TRIM71: variants seen among roughly 807,000 people sequenced by gnomAD.
The protein encoded by TRIM71 is E3 ubiquitin-protein ligase TRIM71.
Under a neutral mutation model 61.2 loss-of-function variants are expected in TRIM71, and 9 were observed. The observed-to-expected ratio is 0.15, with a 90% confidence interval of 0.09 to 0.26. The LOEUF (loss-of-function observed/expected upper bound fraction) is 0.26, where lower values mean the gene tolerates loss of function less well. Among genes scored for constraint, TRIM71 ranks in the 10% least tolerant of loss-of-function variants. TRIM71 has a pLI of 1.00. For synonymous variants in TRIM71, 645 were observed against 553.2 expected (o/e 1.17, Z -2.33); for missense variants, 998 against 1,238.7 (o/e 0.81, Z 2.92).
intron 1 of TRIM71, among the ~76,000 whole-genome samples, chr3:32,823,695 G>T (rs1696165673): frequency 1.3e-5 from 2 of 151,116 alleles, no homozygotes; most frequent in Admixed American, 1.3e-4. Context: ...GGAGGTTGCA[G>T]TGAGCCGAGG....
intron 1 of TRIM71, among the ~76,000 whole-genome samples, chr3:32,854,575 G>T (rs116340146): frequency 1.2e-4 from 18 of 152,224 alleles, no homozygotes; most frequent in Non-Finnish European, 2.2e-4. Context: ...TTTGAATATC[G>T]TCTTCATTCC....
In TRIM71 at chr3:32,890,526, T is replaced by G; in HGVS notation, c.1322T>G (p.Val441Gly). Residue 441 changes from valine to glycine, a missense_variant, in exon 4 of 4, where the codon GTG becomes GGG. This residue lies in a region of TRIM71 where 291 missense variants were observed against 431.2 expected (regional missense o/e 0.67). Coordinates refer to ENST00000383763, the MANE Select transcript of TRIM71 (RefSeq NM_001039111.3). This position sits in a 1 kb window ranked among gnomAD's most constrained non-coding sequence, Gnocchi z 6.2. ...GCCCGAGACCGGATGCTGGCCCAGG[T>G]GCAGGAGCTGAAGACCGTGCGGAGC... ...LLARDRMLAQVQELKTVRSLL... is the reference protein window; with the variant it reads ...LLARDRMLAQGQELKTVRSLL... The G allele has an allele frequency of 6.2e-7, 1 of 1,614,040 alleles. No homozygotes were observed. Among genetic ancestry groups the G allele is most frequent in the African/African-American group, 1.3e-5 (1 of 75,048 alleles).
intron 1 of TRIM71, among the ~76,000 whole-genome samples, chr3:32,852,817 A>G (rs1696554082): frequency 6.6e-6 from 1 of 152,170 alleles, no homozygotes; most frequent in Non-Finnish European, 1.5e-5. Context: ...GCAATAATGA[A>G]ACATGTAGCT....
chr3:32,891,986 C>T lies in TRIM71; in HGVS notation c.*175C>T, dbSNP rs1385063882. 1.1e-6 allele frequency: 1 copy of T among 884,346 alleles called. No homozygotes were observed. Among genetic ancestry groups the T allele is most frequent in the Non-Finnish European group, 1.6e-6 (1 of 616,794 alleles). The allele number at this position is 884,346 out of a possible 1,614,324, so 54.8% of individuals were successfully genotyped here. A position where few individuals can be genotyped will look rare whatever the true frequency, so the allele number is the denominator to read the frequency against. ...AAAGTACAACATTGCTTAAGTCCTA[C>T]CTCATCTTTATTTTTTTACAGATGA... On this transcript the variant is annotated 3_prime_UTR_variant, in exon 4 of 4. Coordinates refer to ENST00000383763, the MANE Select transcript of TRIM71 (RefSeq NM_001039111.3). The surrounding 1 kb of genome is among the most constrained non-coding windows in gnomAD (Gnocchi z 8.2).
chr3:32,864,878 G>A (rs1335004882), intron 1 of TRIM71, among the ~76,000 whole-genome samples: 2 of 141,970 alleles, frequency 1.4e-5, no homozygotes, highest in Non-Finnish European at 3.0e-5. Flanking sequence ...GTGTGTGTGT[G>A]TGTGTGTGTG....
intron 1 of TRIM71, among the ~76,000 whole-genome samples, chr3:32,869,539 G>A (rs554958958): frequency 1.1e-4 from 16 of 152,332 alleles, no homozygotes; most frequent in Middle Eastern, 6.8e-3. Context: ...CTGGGTGCAC[G>A]TGCATTTGCA....
In TRIM71 at chr3:32,818,026, C is replaced by T. The variant is rs548234724; in HGVS notation, c.-55C>T. 6.8e-5 allele frequency: 106 copies of T among 1,551,390 alleles called. No individual in the cohort carries two copies. Among genetic ancestry groups the T allele is most frequent in the Middle Eastern group, 1.7e-4 (1 of 5,874 alleles). Reference sequence around the variant, plus strand: ...CCCCACCCACCTCGTCCGCTCTCTCCTCCTCCTCCTCCTCTTCCTCTCTGG... The same window carrying T: ...CCCCACCCACCTCGTCCGCTCTCTCTTCCTCCTCCTCCTCTTCCTCTCTGG... On this transcript the variant is annotated 5_prime_UTR_variant, in exon 1 of 4. Coordinates refer to ENST00000383763, the MANE Select transcript of TRIM71 (RefSeq NM_001039111.3).
At chr3:32,835,560 A>G (rs1200646651) in intron 1 of TRIM71, among the ~76,000 whole-genome samples, 2 of 152,242 alleles carry the variant, frequency 1.3e-5, no homozygotes, top group African/African-American at 4.8e-5. Flanking sequence ...CGTTTTGTTT[A>G]GAATTCACAA....
chr3:32,843,671 G>C (rs973755927), intron 1 of TRIM71, among the ~76,000 whole-genome samples: 16 of 152,136 alleles, frequency 1.1e-4, no homozygotes, highest in Admixed American at 5.2e-4. Flanking sequence ...CTTAATGCCC[G>C]CCTGCGTGCT....
At chr3:32,820,243 G>T (rs887692699) in intron 1 of TRIM71, among the ~76,000 whole-genome samples, 4 of 152,230 alleles carry the variant, frequency 2.6e-5, no homozygotes, top group African/African-American at 9.6e-5. Context: ...CAGCGCCGCT[G>T]CCTTTTCCAC....
At position 32,873,947 on chromosome 3, in the gene TRIM71, C is replaced by T; in HGVS notation, c.982C>T (p.Leu328=). ...LQDSRALTIQ[L]LADAQQGRQA... is the part of the protein sequence containing the mutation. ...GGACTCACGGGCACTCACCATCCAG[C>T]TGCTGGCAGATGCCCAGCAGGGACG... The change falls in exon 2 of 4, where the codon CTG becomes TTG. Residue 328 remains leucine (L), a synonymous_variant. Transcript: ENST00000383763. 6.2e-7 allele frequency: 1 copy of T among 1,613,330 alleles called. No individual in the cohort carries two copies. Among genetic ancestry groups the T allele is most frequent in the South Asian group, 1.1e-5 (1 of 90,988 alleles).
rs569774295 is a variant in TRIM71 at position 32,893,034 on chromosome 3, A to G, written c.*1223A>G. 1.3e-5 allele frequency: 2 copies of G among 152,230 alleles called. No individual in the cohort carries two copies. Among genetic ancestry groups the G allele is most frequent in the Admixed American group, 6.5e-5 (1 of 15,288 alleles). The allele number at this position is 152,230 out of a possible 1,614,324, so 9.4% of individuals were successfully genotyped here. On this transcript the variant is annotated 3_prime_UTR_variant, in exon 4 of 4. Coordinates refer to ENST00000383763, the MANE Select transcript of TRIM71 (RefSeq NM_001039111.3). ...AAAGAACTTTTATTTTACAAGCACA[A>G]TTTTTTCCTGCTTTGAAAGTTCAGG...
rs561386462 is a variant in TRIM71, at chr3:32,822,189, C to T, written c.852+3257C>T. 3.9e-5 allele frequency among the ~76,000 whole-genome samples: 6 copies of T among 152,150 alleles called. No homozygotes were observed. The East Asian group carries it at 1.2e-3, about 29-fold the overall frequency. ...AACCCAGGAAAGCCTCTGTCACTAG[C>T]GGTGAGGGGCAGTGGGGGTGACATT... is the stretch of plus-strand genomic sequence containing the variant. On this transcript the variant is annotated intron_variant, in intron 1 of 3. Transcript: ENST00000383763.
intron 2 of TRIM71, among the ~76,000 whole-genome samples, chr3:32,881,006 A>G (rs1316465013): frequency 6.6e-6 from 1 of 151,562 alleles, no homozygotes; most frequent in Non-Finnish European, 1.5e-5. Flanking sequence ...TGTGATGAAA[A>G]TTTTATATAT....
chr3:32,838,796 G>C (rs1419372262), intron 1 of TRIM71, among the ~76,000 whole-genome samples: 1 of 151,798 alleles, frequency 6.6e-6, no homozygotes, highest in Non-Finnish European at 1.5e-5. Flanking sequence ...TGGATTTTGA[G>C]CTCCTTTTTT....
At chr3:32,832,193 A>G (rs1696280505) in intron 1 of TRIM71, among the ~76,000 whole-genome samples, 1 of 152,156 alleles carries the variant, frequency 6.6e-6, no homozygotes, top group Non-Finnish European at 1.5e-5. Flanking sequence ...GTGGCCATGC[A>G]CAGTGGTTCA....
chr3:32,868,528 G>A (rs1201584905), intron 1 of TRIM71, among the ~76,000 whole-genome samples: 6 of 152,010 alleles, frequency 3.9e-5, no homozygotes, highest in Non-Finnish European at 8.8e-5. Context: ...GCAGCCATTC[G>A]GAAAGCCAGG....
intron 1 of TRIM71, among the ~76,000 whole-genome samples, chr3:32,872,096 G>A (rs182813690): frequency 2.0e-5 from 3 of 152,276 alleles, no homozygotes; most frequent in East Asian, 1.9e-4. Context: ...GCAGTGAGCC[G>A]AGATCGCGTC....
chr3:32,884,681 T>G (rs972422970), intron 2 of TRIM71, among the ~76,000 whole-genome samples: 5 of 152,052 alleles, frequency 3.3e-5, no homozygotes, highest in Admixed American at 6.6e-5. Flanking sequence ...TTTTGGGTGG[T>G]GAAAATGTTC....
Sources: gnomAD v4.1 joint callset for allele counts (sites outside exome capture counted in the v4.1 genomes callset) on GRCh38, gnomAD v4.1.1 for gene constraint, gnomAD v4.1.1 regional missense constraint, Gnocchi (gnomAD v3.1) non-coding constraint, MANE v1.5 for transcripts, NCBI Gene and HGNC (gene_info 2026-07-23, HGNC 2026-07-21) for gene names.